SLC25A21: variants seen among roughly 807,000 people sequenced by gnomAD.
SLC25A21 encodes the protein mitochondrial 2-oxodicarboxylate carrier.
Under a neutral mutation model 43.8 loss-of-function variants are expected in SLC25A21, and 47 were observed. The observed-to-expected ratio is 1.07, with a 90% CI of 0.85 to 1.37. The LOEUF is 1.37. Among genes scored for constraint, SLC25A21 ranks in the 40% most tolerant of loss-of-function variants. The pLI, the probability that SLC25A21 is intolerant of heterozygous loss-of-function variation, is 0.00. For missense variants in SLC25A21, 352 were observed against 350.2 expected, an observed-to-expected ratio of 1.00 and a Z score of -0.04; for synonymous variants, 131 against 121.3, an observed-to-expected ratio of 1.08 and a Z score of -0.52.
chr14:36,770,359 G>A (rs1275781903), intron 3 of SLC25A21, among the ~76,000 whole-genome samples: 2 of 152,072 alleles, frequency 1.3e-5, no homozygotes, highest in Non-Finnish European at 2.9e-5. Context: ...TAGACATTGG[G>A]GACTTCTAGA....
chr14:36,890,255 A>G (rs1462123096), intron 1 of SLC25A21, among the ~76,000 whole-genome samples: 2 of 152,174 alleles, frequency 1.3e-5, no homozygotes, highest in Non-Finnish European at 2.9e-5. Context: ...TCATGCATGT[A>G]AAGTGTCATT....
intron 7 of SLC25A21, among the ~76,000 whole-genome samples, chr14:36,704,154 T>C (rs780243653): frequency 2.6e-5 from 4 of 152,168 alleles, no homozygotes; most frequent in Non-Finnish European, 4.4e-5. Flanking sequence ...ATTTTCAAAC[T>C]GGTAATGACC....
intron 1 of SLC25A21, among the ~76,000 whole-genome samples, chr14:37,004,842 A>G (rs1311049594): frequency 6.6e-6 from 1 of 151,692 alleles, no homozygotes; most frequent in Non-Finnish European, 1.5e-5. Context: ...TCTCATAGCT[A>G]TTGCTGCATA....
intron 1 of SLC25A21, among the ~76,000 whole-genome samples, chr14:36,918,366 C>T (rs1213571954): frequency 6.6e-6 from 1 of 152,072 alleles, no homozygotes; most frequent in Admixed American, 6.6e-5. Context: ...CATGATTTTC[C>T]CTTGTAATGC....
At chr14:36,887,649 A>C (rs532025125) in intron 1 of SLC25A21, among the ~76,000 whole-genome samples, 2 of 151,780 alleles carry the variant, frequency 1.3e-5, no homozygotes, top group African/African-American at 4.8e-5. Flanking sequence ...CAGCTGAAGG[A>C]GGGGTTTAAG....
At chr14:36,738,955 T>C (rs1455858586) in intron 3 of SLC25A21, among the ~76,000 whole-genome samples, 1 of 152,252 alleles carries the variant, frequency 6.6e-6, no homozygotes, top group Non-Finnish European at 1.5e-5. Flanking sequence ...AAAGTATTTA[T>C]AATTATTTTC....
chr14:36,869,150 A>C (rs1296140919), intron 2 of SLC25A21, among the ~76,000 whole-genome samples: 1 of 152,106 alleles, frequency 6.6e-6, no homozygotes, highest in Non-Finnish European at 1.5e-5. Flanking sequence ...ACTCAATACA[A>C]AGCAATATAA....
In SLC25A21 at chr14:36,791,751, G is replaced by C. The variant is rs189716657; in HGVS notation, c.203+22167C>G. On this transcript the variant is annotated intron_variant, in intron 3 of 9. Coordinates refer to ENST00000331299, the MANE Select transcript of SLC25A21 (RefSeq NM_030631.4). ...CCAGTTATAGGGGATTAACCACCCC[G>C]CTTTGCTCTCCAACAAAAATCAGCC... Among the ~76,000 whole-genome samples the C allele has an allele frequency of 7.9e-5, 12 of 152,186 alleles. No individual in the cohort carries two copies. In the East Asian group the frequency reaches 2.1e-3, roughly 27 times the overall value.
Position 37,167,605 on chromosome 14 carries a change from C to T in SLC25A21, c.70+4676G>A, listed in dbSNP as rs138053138. Among the ~76,000 whole-genome samples, 888 of 152,220 alleles carry T rather than the reference C, an allele frequency of 5.8e-3. 9 individuals are homozygous for T. Among genetic ancestry groups the T allele is most frequent in the African/African-American group, 0.021 (863 of 41,558 alleles). Reference sequence around the variant, plus strand: ...GCCTTTGTGGGACTAACAAATTAGCCAAAAGATTAGAAATTATGGTTTAGG... The same window carrying T: ...GCCTTTGTGGGACTAACAAATTAGCTAAAAGATTAGAAATTATGGTTTAGG... On this transcript the variant is annotated intron_variant, in intron 1 of 9. Transcript: ENST00000331299.
chr14:36,979,323 G>GT (rs145296225), intron 1 of SLC25A21, among the ~76,000 whole-genome samples: 4 of 123,756 alleles, frequency 3.2e-5, no homozygotes, highest in African/African-American at 6.2e-5. Flanking sequence ...TTAAGGTAGT[G>GT]TTTTTTTGGT....
At chr14:36,771,937 C>T (rs1594573534) in intron 3 of SLC25A21, among the ~76,000 whole-genome samples, 1 of 152,100 alleles carries the variant, frequency 6.6e-6, no homozygotes, top group African/African-American at 2.4e-5. Context: ...GCTCATTGGG[C>T]CTCATCTGTG....
chr14:36,926,034 C>T (rs1892122588), intron 1 of SLC25A21, among the ~76,000 whole-genome samples: 1 of 152,106 alleles, frequency 6.6e-6, no homozygotes, highest in Admixed American at 6.6e-5. Context: ...AAACCTTCCA[C>T]TCAATAGTTG....
At chr14:37,027,013 A>C (rs1054398660) in intron 1 of SLC25A21, among the ~76,000 whole-genome samples, 3 of 152,128 alleles carry the variant, frequency 2.0e-5, no homozygotes, top group African/African-American at 7.2e-5. Context: ...CAATCTTAGG[A>C]AATTGTTTAA....
chr14:36,776,820 C>G (rs563080389), intron 3 of SLC25A21, among the ~76,000 whole-genome samples: 1 of 152,258 alleles, frequency 6.6e-6, no homozygotes, highest in Non-Finnish European at 1.5e-5. Context: ...CACCCAGCTC[C>G]CCACCTTCAC....
intron 1 of SLC25A21, among the ~76,000 whole-genome samples, chr14:36,892,297 T>C (rs1891093106): frequency 6.6e-6 from 1 of 152,212 alleles, no homozygotes; most frequent in Non-Finnish European, 1.5e-5. Context: ...AAAACATATC[T>C]GAACTCCAAT....
intron 3 of SLC25A21, among the ~76,000 whole-genome samples, chr14:36,793,034 G>A (rs751877607): frequency 4.6e-5 from 7 of 152,142 alleles, no homozygotes; most frequent in South Asian, 2.1e-4. Flanking sequence ...CTGAAATGGC[G>A]TCTTATACTG....
At chr14:36,863,204 G>A (rs979896579) in intron 2 of SLC25A21, among the ~76,000 whole-genome samples, 5 of 152,092 alleles carry the variant, frequency 3.3e-5, no homozygotes, top group African/African-American at 4.8e-5. Context: ...ATGCATTGTC[G>A]CTCTTCCATC....
At chr14:36,775,816 C>CT (rs1886799502) in intron 3 of SLC25A21, among the ~76,000 whole-genome samples, 1 of 152,152 alleles carries the variant, frequency 6.6e-6, no homozygotes, top group South Asian at 2.1e-4. Flanking sequence ...ACTAGCCATC[C>CT]TATTTAACAG....
intron 1 of SLC25A21, among the ~76,000 whole-genome samples, chr14:37,038,361 C>G (rs976273918): frequency 6.6e-6 from 1 of 152,104 alleles, no homozygotes; most frequent in South Asian, 2.1e-4. Flanking sequence ...TGTCTTTCTG[C>G]CTCTAGCCTC....
Sources: allele counts gnomAD v4.1 joint callset (sites outside exome capture counted in the v4.1 genomes callset), GRCh38; gene constraint gnomAD v4.1.1; transcripts MANE v1.5; gene names NCBI Gene and HGNC (gene_info 2026-07-23, HGNC 2026-07-21).